DLGAP2: variants seen among roughly 807,000 people sequenced by gnomAD.
DLGAP2 encodes the protein disks large-associated protein 2.
Under a neutral mutation model 100.3 loss-of-function variants are expected in DLGAP2, and 26 were observed. The ratio of observed to expected loss-of-function variants is 0.26; its 90% CI spans 0.19 to 0.36. DLGAP2 has a LOEUF of 0.36. Ranked by LOEUF, DLGAP2 falls within the 10% of genes least tolerant of loss-of-function variation. DLGAP2 has a pLI of 1.00. For synonymous variants in DLGAP2, 886 were observed against 630.1 expected (o/e 1.41, Z -6.08); for missense variants, 1,858 against 1,453.2 (o/e 1.28, Z -4.53).
At chr8:1,191,451 T>C (rs1185280164) in intron 2 of DLGAP2, among the ~76,000 whole-genome samples, 3 of 152,316 alleles carry the variant, frequency 2.0e-5, no homozygotes, top group East Asian at 3.9e-4. Flanking sequence ...ATTATAGGCG[T>C]GAGCCACCGC....
intron 2 of DLGAP2, among the ~76,000 whole-genome samples, chr8:1,110,087 A>G (rs1437539486): frequency 8.3e-6 from 1 of 120,928 alleles, no homozygotes; most frequent in Non-Finnish European, 1.7e-5. Context: ...TGAGGTGTGC[A>G]CGGGTCTGTG....
chr8:1,386,330 A>C (rs1882799), intron 3 of DLGAP2, among the ~76,000 whole-genome samples: 1 of 152,002 alleles, frequency 6.6e-6, no homozygotes, highest in Non-Finnish European at 1.5e-5. Flanking sequence ...CCCCAGAACA[A>C]TGAATACAAC....
intron 6 of DLGAP2, among the ~76,000 whole-genome samples, chr8:1,575,800 G>C (rs545475293): frequency 1.3e-5 from 2 of 151,542 alleles, no homozygotes; most frequent in Non-Finnish European, 3.0e-5. Context: ...ACATGAACTT[G>C]TCCTTTTTAT....
intron 3 of DLGAP2, among the ~76,000 whole-genome samples, chr8:1,433,444 G>C (rs554254308): frequency 6.6e-6 from 1 of 152,214 alleles, no homozygotes; most frequent in Non-Finnish European, 1.5e-5. Flanking sequence ...GTTTAGAAAG[G>C]TCTTTTTGCA....
intron 3 of DLGAP2, among the ~76,000 whole-genome samples, chr8:1,359,448 G>T (rs1186512661): frequency 6.6e-6 from 1 of 152,264 alleles, no homozygotes; most frequent in Non-Finnish European, 1.5e-5. Context: ...TTGGAGCCCA[G>T]GAACGTGGGC....
At chr8:986,113 G>A (rs1454128720) in intron 2 of DLGAP2, among the ~76,000 whole-genome samples, 1 of 152,104 alleles carries the variant, frequency 6.6e-6, no homozygotes, top group African/African-American at 2.4e-5. Flanking sequence ...ATGGCTGGTT[G>A]GGAAGAAGTT....
chr8:821,883 G>C (rs552762150), intron 1 of DLGAP2, among the ~76,000 whole-genome samples: 1 of 152,228 alleles, frequency 6.6e-6, no homozygotes, highest in African/African-American at 2.4e-5. Flanking sequence ...CGCACACAGC[G>C]TGCCATTCCA....
intron 1 of DLGAP2, among the ~76,000 whole-genome samples, chr8:791,854 A>G (rs942364040): frequency 3.3e-5 from 5 of 152,120 alleles, no homozygotes; most frequent in Non-Finnish European, 7.3e-5. Flanking sequence ...TTCCCTCTCC[A>G]CACACATGCA....
intron 2 of DLGAP2, chr8:927,318 A>C: frequency 1.2e-6 from 1 of 823,438 alleles, no homozygotes; most frequent in Non-Finnish European, 1.5e-6. Context: ...TTACTTGAAC[A>C]TGTTGATTCA....
At chr8:1,543,751 C>T (rs1276771627) in intron 4 of DLGAP2, among the ~76,000 whole-genome samples, 1 of 152,346 alleles carries the variant, frequency 6.6e-6, no homozygotes, top group South Asian at 2.1e-4. Flanking sequence ...CAGGGAATCT[C>T]TAGGTCACTT....
At chr8:1,156,888 G>GACTCAGGAAGGCCCTGCCGTCC (rs1796802144) in intron 2 of DLGAP2, among the ~76,000 whole-genome samples, 1 of 152,188 alleles carries the variant, frequency 6.6e-6, no homozygotes, top group Admixed American at 6.5e-5. Context: ...TGAGGAGGCT[G>GACTCAGGAAGGCCCTGCCGTCC]ACTCAGGAAG....
At chr8:1,647,892 G>A (rs1218759590) in intron 8 of DLGAP2, among the ~76,000 whole-genome samples, 5 of 152,110 alleles carry the variant, frequency 3.3e-5, no homozygotes, top group East Asian at 1.9e-4. Context: ...TTTTCCCTGC[G>A]TCCTCACATG....
At chr8:1,025,334 C>T (rs1468239539) in intron 2 of DLGAP2, among the ~76,000 whole-genome samples, 5 of 152,166 alleles carry the variant, frequency 3.3e-5, no homozygotes, top group Non-Finnish European at 7.3e-5. Flanking sequence ...GTTTTCAAGG[C>T]TGTTCTCTTG....
chr8:1,489,238 G>C (rs1466567968), intron 3 of DLGAP2, among the ~76,000 whole-genome samples: 1 of 152,210 alleles, frequency 6.6e-6, no homozygotes. Flanking sequence ...TGGAGTTGGA[G>C]TTCGTGGAAA....
At position 1,420,180 on chromosome 8, in the gene DLGAP2, T is replaced by C. The variant is rs1448939412; in HGVS notation, c.107-81186T>C. On this transcript the variant is annotated intron_variant, in intron 3 of 14. Transcript: ENST00000637795. ...AAGGCTAGTTCCCTGAGGACTGCCT[T>C]ATCCTGAGGCTCTCCAGGGTCCAGC... 2.6e-5 allele frequency among the ~76,000 whole-genome samples: 4 copies of C among 152,260 alleles called. No individual in the cohort carries two copies. The South Asian group carries it at 6.2e-4, about 24-fold the overall frequency.
Position 1,282,333 on chromosome 8 carries a change from C to G in DLGAP2, c.106+23450C>G, listed in dbSNP as rs1182520741. On this transcript the variant is annotated intron_variant, in intron 3 of 14. Transcript: ENST00000637795. ...CCATCCGGACGTGGTGTGACCTGAA[C>G]CCAGCGCCCTGAACCATCTGGACGT... Among the ~76,000 whole-genome samples the G allele has an allele frequency of 2.0e-5, 3 of 148,832 alleles. No homozygotes were observed. In the East Asian group the frequency reaches 6.1e-4, roughly 30 times the overall value.
At chr8:1,237,114 A>C (rs1798675893) in intron 2 of DLGAP2, among the ~76,000 whole-genome samples, 1 of 113,808 alleles carries the variant, frequency 8.8e-6, no homozygotes, top group Non-Finnish European at 1.7e-5. Flanking sequence ...CACCGTGCCT[A>C]GTTCTGTCTC....
chr8:1,059,953 G>A (rs1052965467), intron 2 of DLGAP2, among the ~76,000 whole-genome samples: 1 of 152,190 alleles, frequency 6.6e-6, no homozygotes, highest in African/African-American at 2.4e-5. Flanking sequence ...TGAAGTATGA[G>A]TGGGCTCCAG....
At position 1,678,488 on chromosome 8, in the gene DLGAP2, A is replaced by G. The variant is rs780603538; in HGVS notation, c.2563A>G (p.Thr855Ala). The change falls in exon 12 of 15, where the codon ACG becomes GCG. Residue 855 changes from threonine to alanine, a missense_variant. Transcript: ENST00000637795. The stretch of plus-strand genomic sequence containing the variant: ...CCCCTGGCTGGAGCCCGCCATCGAC[A>G]CGGTAGAGACTGGGAGGATGTCTCC... ...PDPWLEPAID[T>A]VETGRMSPCR... is the part of the protein sequence containing the mutation. 16 of 1,613,044 alleles carry G rather than the reference A, an allele frequency of 9.9e-6. No individual in the cohort carries two copies. The highest frequency in any genetic ancestry group is 1.4e-5 in the Non-Finnish European group (16 of 1,179,520).
Sources: allele counts gnomAD v4.1 joint callset (sites outside exome capture counted in the v4.1 genomes callset), GRCh38; gene constraint gnomAD v4.1.1; transcripts MANE v1.5; gene names NCBI Gene and HGNC (gene_info 2026-07-23, HGNC 2026-07-21).